The following GSTCD variants were observed in gnomAD, a reference collection of about 807,000 sequenced individuals.
The protein encoded by GSTCD is glutathione S-transferase C-terminal domain containing, also known as glutathione S-transferase C-terminal domain-containing protein.
Under a neutral mutation model 68.3 loss-of-function variants are expected in GSTCD, and 44 were observed. That is an observed-to-expected ratio of 0.64 (90% CI 0.51 to 0.83). The LOEUF (loss-of-function observed/expected upper bound fraction) is 0.83. Ranked by LOEUF, GSTCD falls within the 40% of genes least tolerant of loss-of-function variation. GSTCD has a pLI of 0.00. For missense variants in GSTCD, 739 were observed against 735.9 expected, an observed-to-expected ratio of 1.00 and a Z score of -0.05; for synonymous variants, 273 against 255.2, an observed-to-expected ratio of 1.07 and a Z score of -0.67.
At chr4:105,793,930 T>C (rs542650162) in intron 5 of GSTCD, among the ~76,000 whole-genome samples, 2 of 152,216 alleles carry the variant, frequency 1.3e-5, no homozygotes, top group African/African-American at 4.8e-5. Context: ...TTTTAGTTTT[T>C]AATAGGATTA....
At chr4:105,757,537 T>C (rs1734240424) in intron 5 of GSTCD, among the ~76,000 whole-genome samples, 1 of 152,218 alleles carries the variant, frequency 6.6e-6, no homozygotes. Flanking sequence ...AAGATTTTAC[T>C]TGTGAACAGC....
chr4:105,820,776 G>C (rs1356383995), intron 5 of GSTCD, among the ~76,000 whole-genome samples: 1 of 151,754 alleles, frequency 6.6e-6, no homozygotes, highest in East Asian at 1.9e-4. Flanking sequence ...ATTTCTACAT[G>C]TATTTTTTTA....
At chr4:105,777,487 G>C (rs896671315) in intron 5 of GSTCD, among the ~76,000 whole-genome samples, 1 of 152,132 alleles carries the variant, frequency 6.6e-6, no homozygotes, top group Admixed American at 6.5e-5. Flanking sequence ...TTAGATATTA[G>C]ATAGCAAGTC....
chr4:105,782,493 A>AAAAAC (rs1304829484), intron 5 of GSTCD, among the ~76,000 whole-genome samples: 14 of 152,346 alleles, frequency 9.2e-5, no homozygotes, highest in South Asian at 4.1e-4. Context: ...CCCTATCTCA[A>AAAAAC]AAAACAAAAC....
chr4:105,761,798 A>G (rs1165030172), intron 5 of GSTCD: 1 of 152,178 alleles, frequency 6.6e-6, no homozygotes, highest in African/African-American at 2.4e-5. Flanking sequence ...GGGCTCATTA[A>G]CCTTTCTGTG....
intron 5 of GSTCD, among the ~76,000 whole-genome samples, chr4:105,766,464 T>C (rs1226456180): frequency 1.3e-5 from 2 of 152,212 alleles, no homozygotes; most frequent in Non-Finnish European, 2.9e-5. Flanking sequence ...CCCCGCTATA[T>C]AGAATAGAAC....
At chr4:105,748,137 C>T (rs113059617) in intron 5 of GSTCD, among the ~76,000 whole-genome samples, 6,782 of 152,068 alleles carry the variant, frequency 0.045, 209 homozygotes, top group Middle Eastern at 0.13. Context: ...TGCCTGTAGT[C>T]CCAGCTACTT....
At chr4:105,835,929 G>A (rs916580631) in intron 9 of GSTCD, among the ~76,000 whole-genome samples, 1 of 152,162 alleles carries the variant, frequency 6.6e-6, no homozygotes, top group Non-Finnish European at 1.5e-5. Context: ...ACCCACAGAG[G>A]GTAGCTTCTC....
At chr4:105,791,623 G>A (rs1294923670) in intron 5 of GSTCD, among the ~76,000 whole-genome samples, 1 of 151,954 alleles carries the variant, frequency 6.6e-6, no homozygotes, top group African/African-American at 2.4e-5. Context: ...ATATTTCATA[G>A]CAATTATACA....
intron 5 of GSTCD, among the ~76,000 whole-genome samples, chr4:105,821,883 C>T (rs1036598127): frequency 1.1e-4 from 16 of 151,532 alleles, no homozygotes; most frequent in Non-Finnish European, 2.2e-4. Flanking sequence ...TTTTTATTTA[C>T]ATTTAAAAAT....
At chr4:105,782,001 G>C (rs1258720992) in intron 5 of GSTCD, among the ~76,000 whole-genome samples, 1 of 152,072 alleles carries the variant, frequency 6.6e-6, no homozygotes, top group Non-Finnish European at 1.5e-5. Flanking sequence ...TGCTTTGAAA[G>C]ATATTTTGCT....
intron 5 of GSTCD, among the ~76,000 whole-genome samples, chr4:105,770,101 C>G (rs1734784174): frequency 6.6e-6 from 1 of 152,192 alleles, no homozygotes. Flanking sequence ...TATATCCTAA[C>G]ATGATTTGAC....
intron 5 of GSTCD, among the ~76,000 whole-genome samples, chr4:105,822,463 C>T (rs965687343): frequency 1.3e-5 from 2 of 151,990 alleles, no homozygotes; most frequent in African/African-American, 4.8e-5. Context: ...GCCAATTAAA[C>T]AATAAAAATA....
chr4:105,750,889 A>G (rs943457949), intron 5 of GSTCD, among the ~76,000 whole-genome samples: 3 of 152,204 alleles, frequency 2.0e-5, no homozygotes, highest in Non-Finnish European at 4.4e-5. Context: ...ATAGTCTGAA[A>G]AGGTTACCTA....
At chr4:105,752,569 T>G (rs1420517916) in intron 5 of GSTCD, among the ~76,000 whole-genome samples, 1 of 152,124 alleles carries the variant, frequency 6.6e-6, no homozygotes, top group East Asian at 1.9e-4. Context: ...ATGTAGGGTA[T>G]AAAAATTGTC....
chr4:105,827,333 A>T (rs1560850388), intron 8 of GSTCD, among the ~76,000 whole-genome samples: 1 of 152,136 alleles, frequency 6.6e-6, no homozygotes, highest in Non-Finnish European at 1.5e-5. Context: ...ATGCTAAATC[A>T]CTCTAGCATA....
intron 5 of GSTCD, among the ~76,000 whole-genome samples, chr4:105,745,257 A>G (rs1008001072): frequency 1.3e-5 from 2 of 152,188 alleles, no homozygotes; most frequent in Admixed American, 1.3e-4. Context: ...CTTTATTTTC[A>G]TCTTTGAAGT....
chr4:105,796,528 A>G (rs1735895266), intron 5 of GSTCD, among the ~76,000 whole-genome samples: 2 of 152,206 alleles, frequency 1.3e-5, no homozygotes, highest in South Asian at 4.1e-4. Flanking sequence ...TGGTAGCCAA[A>G]TACAACATTT....
At chr4:105,748,538 AT>A (rs1163955739) in intron 5 of GSTCD, among the ~76,000 whole-genome samples, 1 of 152,124 alleles carries the variant, frequency 6.6e-6, no homozygotes, top group Non-Finnish European at 1.5e-5. Context: ...ATTTAAACTT[AT>A]TTTTAATCTG....
Sources: allele counts gnomAD v4.1 joint callset (sites outside exome capture counted in the v4.1 genomes callset), GRCh38; gene constraint gnomAD v4.1.1; transcripts MANE v1.5; gene names NCBI Gene and HGNC (gene_info 2026-07-23, HGNC 2026-07-21).